ADARB2: variants seen among roughly 807,000 people sequenced by gnomAD.
ADARB2 encodes inactive double-stranded RNA-specific editase B2.
ADARB2 carries 25 observed loss-of-function variants against 62.2 expected under a neutral mutation model. The ratio of observed to expected loss-of-function variants is 0.40; its 90% CI spans 0.29 to 0.56. The LOEUF is 0.56. ADARB2 is among the 20% of genes least tolerant of loss of function. The pLI, the probability that ADARB2 is intolerant of heterozygous loss-of-function variation, is 0.43. For synonymous variants in ADARB2, 572 were observed against 500.8 expected, an observed-to-expected ratio of 1.14 and a Z score of -1.90; for missense variants, 1,071 against 1,077.4, an observed-to-expected ratio of 0.99 and a Z score of 0.08.
At chr10:1,328,824 C>A (rs1456126659) in intron 3 of ADARB2, among the ~76,000 whole-genome samples, 1 of 151,796 alleles carries the variant, frequency 6.6e-6, no homozygotes, top group African/African-American at 2.4e-5. Flanking sequence ...AGACACCCGA[C>A]TCTACAAAAA....
chr10:1,487,855 C>A (rs1017880823), intron 1 of ADARB2, among the ~76,000 whole-genome samples: 3 of 151,726 alleles, frequency 2.0e-5, no homozygotes, highest in African/African-American at 4.8e-5. Context: ...AAACACGTGC[C>A]GCGGGTGTGA....
intron 1 of ADARB2, among the ~76,000 whole-genome samples, chr10:1,566,893 AT>A (rs2131989779): frequency 6.6e-6 from 1 of 152,382 alleles, no homozygotes; most frequent in East Asian, 1.9e-4. Flanking sequence ...ACAGAAAATA[AT>A]GTCACTATAA....
chr10:1,489,747 A>T (rs139613230), intron 1 of ADARB2, among the ~76,000 whole-genome samples: 1,747 of 152,298 alleles, frequency 0.011, 22 homozygotes, highest in African/African-American at 0.04. Flanking sequence ...GAAGAAGAAT[A>T]TGTAAGGAAG....
At chr10:1,488,317 A>AT (rs1188327919) in intron 1 of ADARB2, among the ~76,000 whole-genome samples, 1 of 152,154 alleles carries the variant, frequency 6.6e-6, no homozygotes, top group Non-Finnish European at 1.5e-5. Context: ...CAATGGTAAT[A>AT]TTTGCTCACA....
chr10:1,268,159 C>T (rs868809998), intron 4 of ADARB2, among the ~76,000 whole-genome samples: 1 of 152,018 alleles, frequency 6.6e-6, no homozygotes, highest in Non-Finnish European at 1.5e-5. Flanking sequence ...TAGCATGAGT[C>T]AATAGATGTT....
intron 7 of ADARB2, among the ~76,000 whole-genome samples, chr10:1,203,451 C>T (rs11594437): frequency 0.49 from 74,347 of 152,112 alleles, 20,438 homozygotes; most frequent in East Asian, 0.69. Context: ...CGCCGTGACG[C>T]GGCCCTGTGA....
intron 1 of ADARB2, among the ~76,000 whole-genome samples, chr10:1,705,489 A>C (rs1411606304): frequency 6.6e-6 from 1 of 152,234 alleles, no homozygotes; most frequent in Non-Finnish European, 1.5e-5. Flanking sequence ...GAAGGGCTGC[A>C]AGGCCAGGTA....
At chr10:1,614,295 A>G (rs1364056281) in intron 1 of ADARB2, among the ~76,000 whole-genome samples, 1 of 152,272 alleles carries the variant, frequency 6.6e-6, no homozygotes, top group East Asian at 1.9e-4. Flanking sequence ...CAAAATAGAT[A>G]CTGTTCTCTC....
intron 1 of ADARB2, among the ~76,000 whole-genome samples, chr10:1,445,465 C>A (rs1830959127): frequency 6.6e-6 from 1 of 151,824 alleles, no homozygotes; most frequent in African/African-American, 2.4e-5. Flanking sequence ...ACCCATCCAC[C>A]CACCCATCCA....
intron 1 of ADARB2, among the ~76,000 whole-genome samples, chr10:1,516,116 C>T (rs1322523606): frequency 6.6e-6 from 1 of 152,214 alleles, no homozygotes; most frequent in African/African-American, 2.4e-5. Flanking sequence ...TCCCAGAGGA[C>T]GACCCTGCTG....
intron 4 of ADARB2, among the ~76,000 whole-genome samples, chr10:1,246,956 C>T (rs1163737911): frequency 7.9e-5 from 12 of 151,996 alleles, no homozygotes; most frequent in South Asian, 4.2e-4. Context: ...TGATTCTTCC[C>T]ACCCATGAGC....
intron 1 of ADARB2, among the ~76,000 whole-genome samples, chr10:1,626,869 A>G (rs1205791723): frequency 1.3e-5 from 2 of 152,140 alleles, no homozygotes; most frequent in African/African-American, 4.8e-5. Flanking sequence ...CCAACCTAAT[A>G]TAAACATGTA....
rs114979938 is a variant in ADARB2 at position 1,365,974 on chromosome 10, A to G, written c.188-2057T>C. Among the ~76,000 whole-genome samples, 1,277 of 152,344 alleles carry G rather than the reference A, an allele frequency of 8.4e-3. 32 individuals are homozygous for G. The highest frequency in any genetic ancestry group is 0.029 in the African/African-American group (1,222 of 41,568). On this transcript the variant is annotated intron_variant, in intron 2 of 9. Coordinates refer to ENST00000381312, the MANE Select transcript of ADARB2 (RefSeq NM_018702.4). Reference sequence around the variant, plus strand: ...GTATGCTTCAATGTAGATGAATCTCAAGAAATAGGATGCCAGATAATAAAA... The same window carrying G: ...GTATGCTTCAATGTAGATGAATCTCGAGAAATAGGATGCCAGATAATAAAA...
chr10:1,470,388 A>C (rs1410102656), intron 1 of ADARB2, among the ~76,000 whole-genome samples: 1 of 152,210 alleles, frequency 6.6e-6, no homozygotes, highest in African/African-American at 2.4e-5. Context: ...GCTGATGCAA[A>C]TACACATCAC....
chr10:1,673,967 C>G (rs1834428449), intron 1 of ADARB2, among the ~76,000 whole-genome samples: 1 of 152,202 alleles, frequency 6.6e-6, no homozygotes, highest in South Asian at 2.1e-4. Context: ...TTAGAACAGC[C>G]AACATAAATG....
intron 1 of ADARB2, among the ~76,000 whole-genome samples, chr10:1,727,012 T>G (rs1056074932): frequency 6.6e-6 from 1 of 152,192 alleles, no homozygotes; most frequent in South Asian, 2.1e-4. Flanking sequence ...ATCTCTACCA[T>G]GTAGCACAGT....
chr10:1,357,627 T>G (rs1281197276), intron 3 of ADARB2, among the ~76,000 whole-genome samples: 2 of 152,226 alleles, frequency 1.3e-5, no homozygotes, highest in Non-Finnish European at 2.9e-5. Context: ...TGTCTTCCCT[T>G]AATCTAGAAA....
At chr10:1,575,741 G>A (rs1224945500) in intron 1 of ADARB2, among the ~76,000 whole-genome samples, 2 of 152,212 alleles carry the variant, frequency 1.3e-5, no homozygotes, top group Non-Finnish European at 2.9e-5. Flanking sequence ...AAGCTCCATG[G>A]TTTCCAGATG....
chr10:1,317,535 A>G (rs189283046), intron 3 of ADARB2, among the ~76,000 whole-genome samples: 406 of 152,336 alleles, frequency 2.7e-3, no homozygotes, highest in South Asian at 0.014. Context: ...AGAGTCTTAT[A>G]TAAACAAGAT....
Sources: gnomAD v4.1 joint callset for allele counts (sites outside exome capture counted in the v4.1 genomes callset) on GRCh38, gnomAD v4.1.1 for gene constraint, MANE v1.5 for transcripts, NCBI Gene and HGNC (gene_info 2026-07-23, HGNC 2026-07-21) for gene names.